SLC9A5: variants seen among roughly 807,000 people sequenced by gnomAD.
SLC9A5 encodes the protein sodium/hydrogen exchanger 5.
In SLC9A5, 52 loss-of-function variants were observed where a neutral mutation model predicts 91.7. The observed-to-expected ratio is 0.57, with a 90% CI of 0.45 to 0.71. SLC9A5 has a LOEUF of 0.71. Ranked by LOEUF, SLC9A5 falls within the 30% of genes least tolerant of loss-of-function variation. The probability of loss-of-function intolerance (pLI) is 0.00; values close to 1 mark genes in which losing one functional copy is unlikely to be tolerated. For synonymous variants in SLC9A5, 419 were observed against 474.5 expected (o/e 0.88, Z 1.52); for missense variants, 871 against 1,158.9 (o/e 0.75, Z 3.61).
At position 67,255,623 on chromosome 16, in the gene SLC9A5, C is replaced by A. The variant is rs1472791453; in HGVS notation, c.734-130C>A. 6 of 1,314,310 alleles carry A rather than the reference C, an allele frequency of 4.6e-6. No individual in the cohort carries two copies. Among genetic ancestry groups the A allele is most frequent in the Non-Finnish European group, 6.4e-6 (6 of 938,900 alleles). 81.4% of individuals were successfully genotyped at this position (1,314,310 alleles called of 1,614,324 possible). ...GGTCTGGGAGGGGCTTGCCAGGGAT[C>A]CTGGCTCTGGGGTTTTGAGCCCCTG... On this transcript the variant is annotated intron_variant, in intron 4 of 15. Transcript: ENST00000299798. This position sits in a 1 kb window ranked among gnomAD's most constrained non-coding sequence, Gnocchi z 4.9.
At chr16:67,254,170 A>C (rs2035228445) in intron 2 of SLC9A5, among the ~76,000 whole-genome samples, 1 of 152,212 alleles carries the variant, frequency 6.6e-6, no homozygotes, top group Non-Finnish European at 1.5e-5. Flanking sequence ...ACTGGGGCTC[A>C]TAGAAATTAT....
In SLC9A5 at chr16:67,258,206, C is replaced by T. The variant is rs1597352597; in HGVS notation, c.1497-112C>T. ...CTTGAGATTCTCTCTGGCTGAGGCC[C>T]ATATCTAAAAAGCCAGGCCAGTGCT... On this transcript the variant is annotated intron_variant, in intron 9 of 15. Transcript: ENST00000299798. The surrounding 1 kb of genome is among the most constrained non-coding windows in gnomAD (Gnocchi z 4.5). 5.7e-6 allele frequency: 6 copies of T among 1,051,750 alleles called. No homozygotes were observed. The East Asian group carries it at 1.5e-4, about 26-fold the overall frequency. The allele number at this position is 1,051,750 out of a possible 1,614,324, so 65.2% of individuals were successfully genotyped here.
In SLC9A5 at chr16:67,271,575, C is replaced by G. The variant is rs1025166298; in HGVS notation, c.*365C>G. 1 of 250,862 alleles carries G rather than the reference C, an allele frequency of 4.0e-6. No homozygotes were observed. Among genetic ancestry groups the G allele is most frequent in the South Asian group, 6.9e-5 (1 of 14,464 alleles). 15.5% of individuals were successfully genotyped at this position (250,862 alleles called of 1,614,324 possible). A position where few individuals can be genotyped will look rare whatever the true frequency, so the allele number is the denominator to read the frequency against. ...CTGCCCGCAAAGCAAGAGCATCATTCCTATTCTTCAGTGGATGCCAGCCTT... is the reference window on the plus strand; with the variant it reads ...CTGCCCGCAAAGCAAGAGCATCATTGCTATTCTTCAGTGGATGCCAGCCTT... On this transcript the variant is annotated 3_prime_UTR_variant, in exon 16 of 16. Coordinates refer to ENST00000299798, the MANE Select transcript of SLC9A5 (RefSeq NM_004594.3).
In SLC9A5 at chr16:67,256,704, C is replaced by A; in HGVS notation, c.1132+15C>A. On this transcript the variant is annotated intron_variant, in intron 6 of 15. Transcript: ENST00000299798. This position sits in a 1 kb window ranked among gnomAD's most constrained non-coding sequence, Gnocchi z 4.1. ...CCGAGCCCTCGGTATTGCTGGCACC[C>A]TCTGCTTTCCCACTCTCCTTCCTGT... is the stretch of plus-strand genomic sequence containing the variant. The A allele has an allele frequency of 6.3e-7, 1 of 1,590,436 alleles. No individual in the cohort carries two copies. Among genetic ancestry groups the A allele is most frequent in the Non-Finnish European group, 8.6e-7 (1 of 1,161,204 alleles).
intron 12 of SLC9A5, chr16:67,263,300 C>G (rs2035591520): frequency 6.6e-6 from 1 of 152,026 alleles, no homozygotes; most frequent in Admixed American, 6.6e-5. Context: ...GCTCTTAGAA[C>G]TGGTTCAGGG....
Position 67,255,164 on chromosome 16 carries a change from C to A in SLC9A5, c.634C>A (p.Leu212Ile). 6.2e-7 allele frequency: 1 copy of A among 1,613,808 alleles called. No homozygotes were observed. The highest frequency in any genetic ancestry group is 8.5e-7 in the Non-Finnish European group (1 of 1,179,802). Residue 212 changes from leucine (L) to isoleucine (I), a missense_variant, in exon 3 of 16, where the codon CTC (leucine) becomes ATC (isoleucine). This residue lies in a region of SLC9A5 where 454 missense variants were observed against 718.3 expected (regional missense o/e 0.63). Coordinates refer to ENST00000299798, the MANE Select transcript of SLC9A5 (RefSeq NM_004594.3). This position sits in a 1 kb window ranked among gnomAD's most constrained non-coding sequence, Gnocchi z 4.9. The part of the protein sequence containing the change: ...LFIIVFGESL[L>I]NDAVTVVLYK... ...TATCATCGTCTTTGGCGAGTCCCTGCTCAACGATGCTGTCACCGTGGTGAG... is the reference window on the plus strand; with the variant it reads ...TATCATCGTCTTTGGCGAGTCCCTGATCAACGATGCTGTCACCGTGGTGAG...
intron 15 of SLC9A5, among the ~76,000 whole-genome samples, chr16:67,267,655 G>A (rs145201277): frequency 4.5e-4 from 68 of 152,316 alleles, no homozygotes; most frequent in Admixed American, 1.4e-3. Context: ...CTGACCTGGA[G>A]GAGCAGCCTG....
intron 1 of SLC9A5, among the ~76,000 whole-genome samples, chr16:67,251,763 G>A (rs1159781469): frequency 5.9e-5 from 9 of 152,084 alleles, no homozygotes; most frequent in Admixed American, 2.0e-4. Flanking sequence ...GATCATTATC[G>A]TTTTTACTCC....
rs551844295 is a variant in SLC9A5 at position 67,255,222 on chromosome 16, G to T, written c.654+38G>T. On this transcript the variant is annotated intron_variant, in intron 3 of 15. Coordinates refer to ENST00000299798, the MANE Select transcript of SLC9A5 (RefSeq NM_004594.3). This position sits in a 1 kb window ranked among gnomAD's most constrained non-coding sequence, Gnocchi z 4.9. ...AGCTGACTGCCATTCCCTGACCCCA[G>T]GCTGCATGCTCTGACCAACTAGGGG... is the stretch of plus-strand genomic sequence containing the variant. 1.1e-5 allele frequency: 18 copies of T among 1,601,832 alleles called. No homozygotes were observed. The South Asian group carries it at 2.0e-4, about 18-fold the overall frequency.
At chr16:67,261,779 A>T (rs2035538723) in intron 12 of SLC9A5, 1 of 152,268 alleles carries the variant, frequency 6.6e-6, no homozygotes, top group South Asian at 2.1e-4. Flanking sequence ...TGCTGACTGT[A>T]TTCCAGTGGT....
rs745468278 is a variant in SLC9A5, at chr16:67,255,858, C to T, written c.839C>T (p.Pro280Leu). 7 of 1,613,300 alleles carry T rather than the reference C, an allele frequency of 4.3e-6. No individual in the cohort carries two copies. Among genetic ancestry groups the T allele is most frequent in the Non-Finnish European group, 5.9e-6 (7 of 1,179,786 alleles). Residue 280 changes from proline to leucine, a missense_variant, in exon 5 of 16, where the codon CCG (proline) becomes CTG (leucine). Pro to Leu is a moderately conservative substitution (Grantham distance 98). Around this residue, in one of 3 missense-constraint regions of SLC9A5, gnomAD observed 454 missense variants for 718.3 expected, o/e 0.63. Coordinates refer to ENST00000299798, the MANE Select transcript of SLC9A5 (RefSeq NM_004594.3). This position sits in a 1 kb window ranked among gnomAD's most constrained non-coding sequence, Gnocchi z 4.9. ...RFTKRVRIIE[P>L]LLVFLLAYAA... ...ACCAAGCGGGTCCGCATCATCGAGC[C>T]GCTGCTGGTCTTCCTCCTCGCCTAC...
In SLC9A5 at chr16:67,270,852, A is replaced by G; in HGVS notation, c.2333A>G (p.Glu778Gly). ...QGDLAVYVSS[E>G]TTKIVPVDMQ... Reference sequence around the variant, plus strand: ...GACCTGGCAGTGTACGTGTCCTCGGAAACCACCAAGATTGTGCCTGTGGAC... The same window carrying G: ...GACCTGGCAGTGTACGTGTCCTCGGGAACCACCAAGATTGTGCCTGTGGAC... The change falls in exon 16 of 16, where the codon GAA becomes GGA. Residue 778 changes from glutamate (E) to glycine (G), a missense_variant. Glu to Gly is a moderately conservative substitution (Grantham distance 98). This residue lies in a region of SLC9A5 where 295 missense variants were observed against 326.0 expected (regional missense o/e 0.90). Coordinates refer to ENST00000299798, the MANE Select transcript of SLC9A5 (RefSeq NM_004594.3). The surrounding 1 kb of genome is among the most constrained non-coding windows in gnomAD (Gnocchi z 4.3). 2 of 1,614,026 alleles carry G rather than the reference A, an allele frequency of 1.2e-6. No homozygotes were observed. The highest frequency in any genetic ancestry group is 1.7e-6 in the Non-Finnish European group (2 of 1,179,988).
At chr16:67,260,354 C>CAGAAAAAAAAAAAAAAAA (rs2035488423) in intron 12 of SLC9A5, among the ~76,000 whole-genome samples, 1 of 33,468 alleles carries the variant, frequency 3.0e-5, no homozygotes, top group African/African-American at 1.9e-4. Flanking sequence ...GACTCCATCT[C>CAGAAAAAAAAAAAAAAAA]AAAAAAAAAA....
At position 67,271,510 on chromosome 16, in the gene SLC9A5, C is replaced by A; in HGVS notation, c.*300C>A. The stretch of plus-strand genomic sequence containing the variant: ...GAGACTTGGGTTGCTGGTCCCCCTT[C>A]CCTAGTGGGTTTTCCCGGGGACTCT... On this transcript the variant is annotated 3_prime_UTR_variant, in exon 16 of 16. Coordinates refer to ENST00000299798, the MANE Select transcript of SLC9A5 (RefSeq NM_004594.3). The A allele has an allele frequency of 2.4e-6, 1 of 424,434 alleles. No homozygotes were observed. The highest frequency in any genetic ancestry group is 3.7e-5 in the South Asian group (1 of 26,688). The allele number at this position is 424,434 out of a possible 1,614,324, so 26.3% of individuals were successfully genotyped here.
intron 2 of SLC9A5, among the ~76,000 whole-genome samples, chr16:67,254,089 A>G (rs562011275): frequency 4.7e-4 from 72 of 152,348 alleles, no homozygotes; most frequent in Non-Finnish European, 7.3e-4. Context: ...GGTGCTTACT[A>G]TATGTTAGGC....
chr16:67,258,656 C>T lies in SLC9A5; in HGVS notation c.1626+209C>T, dbSNP rs967565087. ...GCAGGCAGTCCAGAGAGGTGGGAAA[C>T]AGCTGGACTCTGGGGTCAGCTCAAC... is the stretch of plus-strand genomic sequence containing the variant. On this transcript the variant is annotated intron_variant, in intron 10 of 15. Transcript: ENST00000299798. The surrounding 1 kb of genome is among the most constrained non-coding windows in gnomAD (Gnocchi z 4.5). Among the ~76,000 whole-genome samples, 2 of 152,306 alleles carry T rather than the reference C, an allele frequency of 1.3e-5. No individual in the cohort carries two copies. The highest frequency in any genetic ancestry group is 3.9e-4 in the East Asian group (2 of 5,190).
rs2142396092 is a variant in SLC9A5 at position 67,270,039 on chromosome 16, C to G, written c.2219-699C>G. ...CTGTAGCCTCCAGGTCTTTCTTTCC[C>G]TCTCTGGTGGCTGGCGTTTCTCCCT... On this transcript the variant is annotated intron_variant, in intron 15 of 15. Transcript: ENST00000299798. The surrounding 1 kb of genome is among the most constrained non-coding windows in gnomAD (Gnocchi z 4.3). Among the ~76,000 whole-genome samples, 1 of 152,256 alleles carries G rather than the reference C, an allele frequency of 6.6e-6. No homozygotes were observed.
chr16:67,257,165 G>A lies in SLC9A5; in HGVS notation c.1335+52G>A. On this transcript the variant is annotated intron_variant, in intron 7 of 15. Transcript: ENST00000299798. This position sits in a 1 kb window ranked among gnomAD's most constrained non-coding sequence, Gnocchi z 5.1. ...GGAGAGGGTTGGGCAGGCCCTGGGG[G>A]AGTCTTGGAGCCTGTGGGACAGGGG... 6.5e-7 allele frequency: 1 copy of A among 1,540,032 alleles called. No individual in the cohort carries two copies. The highest frequency in any genetic ancestry group is 8.8e-7 in the Non-Finnish European group (1 of 1,130,698).
rs1597340415 is a variant in SLC9A5 at position 67,249,213 on chromosome 16, T to C, written c.187+12T>C. On this transcript the variant is annotated intron_variant, in intron 1 of 15. Coordinates refer to ENST00000299798, the MANE Select transcript of SLC9A5 (RefSeq NM_004594.3). ...TCTGGCCAAAATCGGTGAGTGCGTG[T>C]GTGCGTGCGCCAGGCCGACCGCCAG... 3.2e-5 allele frequency: 46 copies of C among 1,448,832 alleles called. No homozygotes were observed. The East Asian group carries it at 1.3e-3, about 40-fold the overall frequency. The allele number at this position is 1,448,832 out of a possible 1,614,324, so 89.7% of individuals were successfully genotyped here.
Sources: gnomAD v4.1 joint callset for allele counts (sites outside exome capture counted in the v4.1 genomes callset) on GRCh38, gnomAD v4.1.1 for gene constraint, gnomAD v4.1.1 regional missense constraint, Gnocchi (gnomAD v3.1) non-coding constraint, MANE v1.5 for transcripts, NCBI Gene and HGNC (gene_info 2026-07-23, HGNC 2026-07-21) for gene names.